NIBAN2: variants seen among roughly 807,000 people sequenced by gnomAD.
NIBAN2 encodes the protein niban apoptosis regulator 2.
A neutral mutation model predicts 81.8 loss-of-function variants in NIBAN2; 36 were observed. The ratio of observed to expected loss-of-function variants is 0.44; its 90% CI spans 0.34 to 0.58. The LOEUF (loss-of-function observed/expected upper bound fraction) is 0.58. Ranked by LOEUF, NIBAN2 falls within the 20% of genes least tolerant of loss-of-function variation. The pLI is 0.02. For synonymous variants in NIBAN2, 445 were observed against 441.6 expected (o/e 1.01, Z -0.10); for missense variants, 897 against 1,014.1 (o/e 0.88, Z 1.57).
chr9:127,564,065 G>A (rs765294528), intron 1 of NIBAN2, among the ~76,000 whole-genome samples: 4 of 151,996 alleles, frequency 2.6e-5, no homozygotes, highest in Admixed American at 6.5e-5. Flanking sequence ...GGCTGAGGCA[G>A]ATGTATCACC....
intron 1 of NIBAN2, among the ~76,000 whole-genome samples, chr9:127,567,940 C>CA (rs1413652943): frequency 6.6e-6 from 1 of 152,192 alleles, no homozygotes; most frequent in Non-Finnish European, 1.5e-5. Flanking sequence ...AGGGCAGCTC[C>CA]ACCAGCCAGG....
chr9:127,554,586 G>C (rs1837634796), intron 1 of NIBAN2, among the ~76,000 whole-genome samples: 1 of 130,810 alleles, frequency 7.6e-6, no homozygotes, highest in Non-Finnish European at 1.6e-5. Flanking sequence ...TTTGAGACAG[G>C]GTCTTGCTCT....
At chr9:127,518,005 A>C in intron 5 of NIBAN2, 64 bp from the exon 6 acceptor site, 1 of 1,077,970 alleles carries the variant, frequency 9.3e-7, no homozygotes, top group East Asian at 2.6e-5. Context: ...ACCAAGACCA[A>C]CTGAGAACTG....
At chr9:127,538,674 G>T (rs1386839976) in intron 1 of NIBAN2, among the ~76,000 whole-genome samples, 1 of 145,906 alleles carries the variant, frequency 6.9e-6, no homozygotes, top group Admixed American at 7.0e-5. Flanking sequence ...GCCGGGCACA[G>T]TGGCTCACGC....
rs368668074 is a variant in NIBAN2 at position 127,507,248 on chromosome 9, G to A, written c.1838C>T (p.Ser613Leu). ...SPSTPESATL[S>L]EKRRRAKQVV... ...CTGCTTGGCGCGCCGTCGCTTTTCC[G>A]AGAGGGTGGCTGACTCCGGGGTGCT... Residue 613 changes from serine (S) to leucine (L), a missense_variant, in exon 14 of 14, where the codon TCG becomes TTG. Ser to Leu is a moderately radical substitution (Grantham distance 145). Coordinates refer to ENST00000373312, the MANE Select transcript of NIBAN2 (RefSeq NM_022833.4). The surrounding 1 kb of genome is among the most constrained non-coding windows in gnomAD (Gnocchi z 6.8). The A allele has an allele frequency of 1.0e-4, 164 of 1,609,936 alleles. No individual in the cohort carries two copies. The highest frequency in any genetic ancestry group is 6.7e-4 in the Middle Eastern group (4 of 5,962).
chr9:127,512,270 AAC>A (rs1285396845), intron 8 of NIBAN2, among the ~76,000 whole-genome samples: 2 of 148,976 alleles, frequency 1.3e-5, no homozygotes, highest in Middle Eastern at 3.5e-3. Context: ...TTCCGGACTG[AAC>A]CATGTTCATT....
At chr9:127,515,217 T>C (rs181353636) in intron 8 of NIBAN2, among the ~76,000 whole-genome samples, 2 of 151,786 alleles carry the variant, frequency 1.3e-5, no homozygotes, top group Non-Finnish European at 2.9e-5. Context: ...CGAGACTCTG[T>C]CTCTTAAAAA....
At chr9:127,526,588 C>A (rs1022062263) in intron 3 of NIBAN2, among the ~76,000 whole-genome samples, 3 of 152,062 alleles carry the variant, frequency 2.0e-5, no homozygotes, top group African/African-American at 7.2e-5. Flanking sequence ...TAACATTGAT[C>A]TTCCGTGAAA....
intron 1 of NIBAN2, among the ~76,000 whole-genome samples, chr9:127,557,393 A>G (rs573726731): frequency 2.0e-5 from 3 of 151,066 alleles, no homozygotes; most frequent in East Asian, 3.9e-4. Context: ...AGTTCACCCA[A>G]GGCCACAGAG....
chr9:127,520,333 G>C (rs1836914743), intron 5 of NIBAN2, among the ~76,000 whole-genome samples: 1 of 147,838 alleles, frequency 6.8e-6, no homozygotes, highest in African/African-American at 2.5e-5. Context: ...CCGCCTCCCA[G>C]GTTCAAGCCA....
chr9:127,565,946 T>TCTCTCTCTCTCACACA (rs751937125), intron 1 of NIBAN2, among the ~76,000 whole-genome samples: 1 of 130,558 alleles, frequency 7.7e-6, no homozygotes, highest in Admixed American at 7.8e-5. Context: ...TCTCTCTCTC[T>TCTCTCTCTCTCACACA]CACACACACA....
At chr9:127,564,109 A>G (rs1837818208) in intron 1 of NIBAN2, among the ~76,000 whole-genome samples, 1 of 152,054 alleles carries the variant, frequency 6.6e-6, no homozygotes, top group Non-Finnish European at 1.5e-5. Flanking sequence ...CTTGACCAAT[A>G]TGGTAAAACC....
intron 1 of NIBAN2, among the ~76,000 whole-genome samples, chr9:127,538,530 G>A (rs1441234574): frequency 6.6e-6 from 1 of 151,866 alleles, no homozygotes; most frequent in Non-Finnish European, 1.5e-5. Context: ...AGGAGGCTGA[G>A]GCAGGAGAAT....
intron 2 of NIBAN2, among the ~76,000 whole-genome samples, chr9:127,530,472 C>A (rs1588165840): frequency 6.6e-6 from 1 of 151,204 alleles, no homozygotes; most frequent in African/African-American, 2.4e-5. Context: ...TCTCTTGAGT[C>A]CCGCCCCCGG....
At position 127,563,848 on chromosome 9, in the gene NIBAN2, G is replaced by A. The variant is rs555368279; in HGVS notation, c.55+4972C>T. ...GTTTTTAAAATCACTTTGGAAAGAA[G>A]CATTATTTGTTTTGCTCAATAAATA... On this transcript the variant is annotated intron_variant, in intron 1 of 13. Coordinates refer to ENST00000373312, the MANE Select transcript of NIBAN2 (RefSeq NM_022833.4). The surrounding 1 kb of genome is among the most constrained non-coding windows in gnomAD (Gnocchi z 4.1). Among the ~76,000 whole-genome samples, 4 of 152,266 alleles carry A rather than the reference G, an allele frequency of 2.6e-5. No homozygotes were observed. In the South Asian group the frequency reaches 8.3e-4, roughly 32 times the overall value.
upstream of NIBAN2, among the ~76,000 whole-genome samples, chr9:127,572,461 T>C (rs1379435495): frequency 6.6e-6 from 1 of 152,150 alleles, no homozygotes; most frequent in Non-Finnish European, 1.5e-5. Context: ...ATAAAATGAC[T>C]TCAGAGAGTA....
chr9:127,571,310 A>G (rs1373816581), upstream of NIBAN2, among the ~76,000 whole-genome samples: 1 of 152,154 alleles, frequency 6.6e-6, no homozygotes, highest in Non-Finnish European at 1.5e-5. Flanking sequence ...TTGAGCATCC[A>G]AAAGGTCTCC....
intron 1 of NIBAN2, among the ~76,000 whole-genome samples, chr9:127,568,219 C>A (rs559206109): frequency 6.6e-6 from 1 of 152,292 alleles, no homozygotes; most frequent in Non-Finnish European, 1.5e-5. Flanking sequence ...CTGCTGCTAG[C>A]AGGGGCAGCC....
chr9:127,510,227 C>A lies in NIBAN2; in HGVS notation c.1080G>T (p.Glu360Asp). The change falls in exon 9 of 14, where the codon GAG (glutamate) becomes GAT (aspartate). Residue 360 changes from glutamate (E) to aspartate (D), a missense_variant. Glu to Asp is a conservative substitution (Grantham distance 45). Transcript: ENST00000373312. ...CCTCCTTGAAGAAGACATCTCGCACCTCAGTGAAGCCCTGGCTGGTGGGGA... is the reference window on the plus strand; with the variant it reads ...CCTCCTTGAAGAAGACATCTCGCACATCAGTGAAGCCCTGGCTGGTGGGGA... Reference protein sequence around the residue: ...LMVPTSQGFTEVRDVFFKEVT... With the variant: ...LMVPTSQGFTDVRDVFFKEVT... 1 of 1,614,140 alleles carries A rather than the reference C, an allele frequency of 6.2e-7. No homozygotes were observed. Among genetic ancestry groups the A allele is most frequent in the Non-Finnish European group, 8.5e-7 (1 of 1,180,002 alleles).
Sources: allele counts gnomAD v4.1 joint callset (sites outside exome capture counted in the v4.1 genomes callset), GRCh38; gene constraint gnomAD v4.1.1; non-coding constraint Gnocchi (gnomAD v3.1); transcripts MANE v1.5; gene names NCBI Gene and HGNC (gene_info 2026-07-23, HGNC 2026-07-21).